Variants in HIVEP3 observed in about 807,000 individuals in gnomAD.
HIVEP3 encodes the protein HIVEP zinc finger 3, also known as transcription factor HIVEP3.
In HIVEP3, 49 loss-of-function variants were observed where a neutral mutation model predicts 152.8. The ratio of observed to expected loss-of-function variants is 0.32; its 90% CI spans 0.26 to 0.41. The LOEUF (loss-of-function observed/expected upper bound fraction) is 0.41. Among genes scored for constraint, HIVEP3 ranks in the 10% least tolerant of loss-of-function variants. The pLI is 1.00. For missense variants in HIVEP3, 2,790 were observed against 3,103.3 expected (o/e 0.90, Z 2.40); for synonymous variants, 1,269 against 1,289.0 (o/e 0.98, Z 0.33).
intron 5 of HIVEP3, among the ~76,000 whole-genome samples, chr1:41,545,079 A>ATCACCG (rs1643708202): frequency 7.6e-6 from 1 of 132,230 alleles, no homozygotes; most frequent in African/African-American, 2.9e-5. Flanking sequence ...CACCAACATC[A>ATCACCG]CCACCTCTAC....
In HIVEP3 at chr1:41,828,313, T is replaced by C. The variant is rs577758969; in HGVS notation, c.-801+90100A>G. 9.6e-4 allele frequency among the ~76,000 whole-genome samples: 147 copies of C among 152,350 alleles called. 2 individuals carry two copies. In the South Asian group the frequency reaches 0.029, roughly 30 times the overall value. ...CAATTCGCAGATGTTCACAATGATCTTTGGAAGAAACTGCCTTCCTCAGAG... is the reference window on the plus strand; with the variant it reads ...CAATTCGCAGATGTTCACAATGATCCTTGGAAGAAACTGCCTTCCTCAGAG... On this transcript the variant is annotated intron_variant, in intron 1 of 8. Transcript: ENST00000372583.
At chr1:41,621,500 CTCT>C (rs1032294297) in intron 3 of HIVEP3, among the ~76,000 whole-genome samples, 10 of 152,224 alleles carry the variant, frequency 6.6e-5, no homozygotes, top group Admixed American at 2.0e-4. Flanking sequence ...AATGAGCCTG[CTCT>C]TCTTCTTCTT....
intron 3 of HIVEP3, among the ~76,000 whole-genome samples, chr1:41,611,731 C>T (rs1227944456): frequency 6.6e-6 from 1 of 152,238 alleles, no homozygotes; most frequent in Non-Finnish European, 1.5e-5. Flanking sequence ...CTGGCTTTCT[C>T]CCACTGTCCT....
At chr1:41,907,849 T>C (rs1644738801) in intron 1 of HIVEP3, among the ~76,000 whole-genome samples, 1 of 152,192 alleles carries the variant, frequency 6.6e-6, no homozygotes, top group Non-Finnish European at 1.5e-5. Flanking sequence ...CTCAGACACA[T>C]GGGCAATGGA....
At chr1:41,605,386 C>A (rs1230483883) in intron 3 of HIVEP3, among the ~76,000 whole-genome samples, 1 of 151,580 alleles carries the variant, frequency 6.6e-6, no homozygotes, top group South Asian at 2.1e-4. Context: ...CACACACACA[C>A]ACACACACAC....
chr1:41,987,954 G>C (rs1645333982), intron 1 of HIVEP3, among the ~76,000 whole-genome samples: 2 of 152,072 alleles, frequency 1.3e-5, no homozygotes, highest in Non-Finnish European at 2.9e-5. Flanking sequence ...GAACAGTATG[G>C]GGGAACCACC....
At chr1:41,655,340 T>G (rs1645612588) in intron 2 of HIVEP3, among the ~76,000 whole-genome samples, 1 of 151,938 alleles carries the variant, frequency 6.6e-6, no homozygotes, top group African/African-American at 2.4e-5. Flanking sequence ...CCCAGCACTT[T>G]GGGAGGCCGA....
chr1:41,738,217 CAT>C lies in HIVEP3; in HGVS notation c.-800-37224_-800-37223del, dbSNP rs1183532461. Among the ~76,000 whole-genome samples, 6 of 152,188 alleles carry C rather than the reference CAT, an allele frequency of 3.9e-5. No homozygotes were observed. The South Asian group carries it at 6.2e-4, about 16-fold the overall frequency. On this transcript the variant is annotated intron_variant, in intron 1 of 8. Coordinates refer to ENST00000372583, the MANE Select transcript of HIVEP3 (RefSeq NM_024503.5). ...GAGCGGGAAGCAGCGTCCCCAGAGA[CAT>C]ATAGACAAGCAGCTGGGTCTCACAA... is the stretch of plus-strand genomic sequence containing the variant.
intron 6 of HIVEP3, among the ~76,000 whole-genome samples, chr1:41,519,913 G>GACGTGGAT (rs1166137755): frequency 1.5e-4 from 23 of 152,110 alleles, no homozygotes; most frequent in African/African-American, 5.6e-4. Context: ...GGAGGACAGA[G>GACGTGGAT]ACGTGGATGA....
At chr1:41,616,681 G>A (rs1435874919) in intron 3 of HIVEP3, among the ~76,000 whole-genome samples, 1 of 134,004 alleles carries the variant, frequency 7.5e-6, no homozygotes, top group Non-Finnish European at 1.5e-5. Flanking sequence ...TCAAATTCCT[G>A]GCCTCAAATG....
chr1:42,030,471 C>T (rs1463532712), intron 1 of HIVEP3, among the ~76,000 whole-genome samples: 1 of 152,192 alleles, frequency 6.6e-6, no homozygotes. Flanking sequence ...ACCAAAAATA[C>T]ATTTCTCCTA....
chr1:41,562,620 TCTCTCTCTCTCTCCCTCTCTCTC>T (rs1558063046), intron 5 of HIVEP3, among the ~76,000 whole-genome samples: 156 of 102,608 alleles, frequency 1.5e-3, no homozygotes, highest in Admixed American at 3.1e-3. Flanking sequence ...TCTCTCTCTC[TCTCTCTCTCTCTCCCTCTCTCTC>T]TCTTTCTTTC....
At chr1:41,544,811 T>TATC (rs1643651414) in intron 5 of HIVEP3, among the ~76,000 whole-genome samples, 2 of 30,454 alleles carry the variant, frequency 6.6e-5, no homozygotes, top group Admixed American at 3.3e-4. Flanking sequence ...CCACCACCAC[T>TATC]ACCACCTCTA....
chr1:41,922,861 A>C (rs1441835713), upstream of HIVEP3, among the ~76,000 whole-genome samples: 3 of 152,116 alleles, frequency 2.0e-5, no homozygotes, highest in East Asian at 5.8e-4. Context: ...AGATAAAGAA[A>C]AGGAAAGAAA....
chr1:41,886,933 C>T (rs967674170), intron 1 of HIVEP3, among the ~76,000 whole-genome samples: 8 of 151,878 alleles, frequency 5.3e-5, no homozygotes, highest in African/African-American at 1.9e-4. Flanking sequence ...AGACATTTTC[C>T]CCCTTTTTGG....
intron 1 of HIVEP3, among the ~76,000 whole-genome samples, chr1:41,939,083 T>C (rs1374592927): frequency 2.0e-5 from 3 of 152,220 alleles, no homozygotes; most frequent in Non-Finnish European, 4.4e-5. Context: ...CCTTTAGGAT[T>C]GATAGATGAT....
intron 1 of HIVEP3, among the ~76,000 whole-genome samples, chr1:41,742,289 C>G (rs1337201982): frequency 6.6e-6 from 1 of 152,232 alleles, no homozygotes; most frequent in Admixed American, 6.5e-5. Flanking sequence ...CATTCATCCA[C>G]TCATCCACTC....
At chr1:41,879,222 T>A (rs915572925) in intron 1 of HIVEP3, among the ~76,000 whole-genome samples, 6 of 152,168 alleles carry the variant, frequency 3.9e-5, no homozygotes, top group Admixed American at 3.9e-4. Flanking sequence ...CCTGACATTA[T>A]CTATCTAGAA....
At chr1:41,712,120 C>T (rs989390266) in intron 1 of HIVEP3, among the ~76,000 whole-genome samples, 14 of 152,336 alleles carry the variant, frequency 9.2e-5, no homozygotes, top group African/African-American at 1.7e-4. Context: ...ACTGCTTCAA[C>T]AAGTACTCAT....
Sources: gnomAD v4.1 joint callset for allele counts (sites outside exome capture counted in the v4.1 genomes callset) on GRCh38, gnomAD v4.1.1 for gene constraint, MANE v1.5 for transcripts, NCBI Gene and HGNC (gene_info 2026-07-23, HGNC 2026-07-21) for gene names.